CEP162: variants seen among roughly 807,000 people sequenced by gnomAD.
CEP162 encodes centrosomal protein of 162 kDa.
In CEP162, 141 loss-of-function variants were observed where a neutral mutation model predicts 169.2. That is an observed-to-expected ratio of 0.83 (90% CI 0.73 to 0.96). CEP162 has a LOEUF of 0.96. CEP162 is among the 40% of genes least tolerant of loss of function. The pLI is 0.00. For missense variants in CEP162, 1,600 were observed against 1,587.2 expected, an observed-to-expected ratio of 1.01 and a Z score of -0.14; for synonymous variants, 540 against 526.4, an observed-to-expected ratio of 1.03 and a Z score of -0.35.
chr6:84,157,927 T>C (rs2099523886), intron 21 of CEP162, among the ~76,000 whole-genome samples: 1 of 152,202 alleles, frequency 6.6e-6, no homozygotes, highest in African/African-American at 2.4e-5. Flanking sequence ...TTAAAATGAT[T>C]TCTTTTAATT....
At chr6:84,149,527 T>A in intron 24 of CEP162, 35 bp downstream of exon 24, 1 of 1,517,242 alleles carries the variant, frequency 6.6e-7, no homozygotes, top group Non-Finnish European at 8.8e-7. Flanking sequence ...AACGAGTTTA[T>A]TCAAGTCAAA....
At chr6:84,177,180 C>T (rs570036067) in intron 13 of CEP162, among the ~76,000 whole-genome samples, 10 of 152,248 alleles carry the variant, frequency 6.6e-5, no homozygotes, top group East Asian at 3.9e-4. Context: ...TTCTCACCTC[C>T]GCCCATCCTC....
intron 13 of CEP162, among the ~76,000 whole-genome samples, chr6:84,180,643 A>G (rs1012304558): frequency 1.3e-5 from 2 of 151,230 alleles, no homozygotes; most frequent in Admixed American, 1.3e-4. Context: ...CAACTTCAGC[A>G]AAGTCTCAGG....
In CEP162 at chr6:84,152,604, C is replaced by T; in HGVS notation, c.3570G>A (p.Lys1190=). ...KNELEGLISE[K]NELKMKSEAV... ...CTTCAGATTTCATCTTCAGTTCATT[C>T]TTCTCTGAAATTAATCCTTCTAGCT... Residue 1190 remains lysine (K), a synonymous_variant, in exon 23 of 27, where the codon AAG becomes AAA. Coordinates refer to ENST00000403245, the MANE Select transcript of CEP162 (RefSeq NM_014895.4). 1.3e-6 allele frequency: 2 copies of T among 1,557,960 alleles called. No homozygotes were observed. The highest frequency in any genetic ancestry group is 1.7e-6 in the Non-Finnish European group (2 of 1,149,912).
chr6:84,178,833 C>G (rs920639595), intron 13 of CEP162, among the ~76,000 whole-genome samples: 2 of 152,156 alleles, frequency 1.3e-5, no homozygotes, highest in Non-Finnish European at 2.9e-5. Flanking sequence ...ACGACAGGCC[C>G]TGGTATGTGC....
intron 3 of CEP162, among the ~76,000 whole-genome samples, chr6:84,220,784 CATG>C (rs1443056319): frequency 2.0e-5 from 3 of 152,052 alleles, no homozygotes; most frequent in African/African-American, 7.2e-5. Flanking sequence ...TATCATTAAA[CATG>C]ATAATAAATA....
At chr6:84,222,723 A>T (rs1384296489) in intron 2 of CEP162, among the ~76,000 whole-genome samples, 2 of 152,218 alleles carry the variant, frequency 1.3e-5, no homozygotes, top group African/African-American at 4.8e-5. Flanking sequence ...GAATATTGTT[A>T]TCTGAGTGAC....
chr6:84,190,756 G>A lies in CEP162; in HGVS notation c.1109+2853C>T, dbSNP rs370618557. On this transcript the variant is annotated intron_variant, in intron 11 of 26. Coordinates refer to ENST00000403245, the MANE Select transcript of CEP162 (RefSeq NM_014895.4). ...TTAAGAGCTGTAACACTCACCGCGA[G>A]CGTCCGCGGCTTCATTCTAGAAGTC... 7.3e-4 allele frequency among the ~76,000 whole-genome samples: 111 copies of A among 152,354 alleles called. 1 individual carries two copies. The South Asian group carries it at 0.023, about 31-fold the overall frequency.
chr6:84,130,968 T>C (rs1481867457), intron 25 of CEP162, among the ~76,000 whole-genome samples: 2 of 152,244 alleles, frequency 1.3e-5, no homozygotes, highest in Non-Finnish European at 2.9e-5. Flanking sequence ...TTTTAGATCT[T>C]TCCTGCTTTC....
rs937595514 is a variant in CEP162, at chr6:84,203,987, G to A, written c.681C>T (p.Pro227=). The A allele has an allele frequency of 5.0e-6, 8 of 1,598,056 alleles. No homozygotes were observed. The highest frequency in any genetic ancestry group is 6.8e-6 in the Non-Finnish European group (8 of 1,170,354). ...ENSKSEKISV[P]KQEEEKTGML... ...ATATAATTGATATATATACCTGTTT[G>A]GGCACACTTATTTTTTCTGATTTGG... The change falls in exon 7 of 27, where the codon CCC becomes CCT. Residue 227 remains proline, a synonymous_variant. Coordinates refer to ENST00000403245, the MANE Select transcript of CEP162 (RefSeq NM_014895.4).
intron 11 of CEP162, among the ~76,000 whole-genome samples, chr6:84,190,577 C>G (rs1046974738): frequency 1.3e-5 from 2 of 151,748 alleles, no homozygotes; most frequent in African/African-American, 2.4e-5. Context: ...CGGGAGGGAA[C>G]GAACAACTCC....
chr6:84,158,373 C>T (rs1419183153), intron 21 of CEP162, among the ~76,000 whole-genome samples: 1 of 152,160 alleles, frequency 6.6e-6, no homozygotes, highest in East Asian at 1.9e-4. Flanking sequence ...AAATGACTTT[C>T]ATCTTGTTAA....
chr6:84,140,901 T>C (rs1416890332), intron 25 of CEP162, among the ~76,000 whole-genome samples: 1 of 152,124 alleles, frequency 6.6e-6, no homozygotes, highest in African/African-American at 2.4e-5. Context: ...CAGGGACTGG[T>C]TTTGTGGAAG....
intron 22 of CEP162, among the ~76,000 whole-genome samples, chr6:84,154,583 C>T (rs910904017): frequency 6.6e-6 from 1 of 152,112 alleles, no homozygotes; most frequent in Admixed American, 6.6e-5. Context: ...CCTAGAACAT[C>T]TCAGCTCCTT....
rs756873648 is a variant in CEP162, at chr6:84,195,069, G to T, written c.842C>A (p.Ser281Tyr). 8.9e-6 allele frequency: 14 copies of T among 1,571,210 alleles called. No individual in the cohort carries two copies. In the East Asian group the frequency reaches 2.7e-4, roughly 30 times the overall value. Residue 281 changes from serine to tyrosine, a missense_variant, in exon 10 of 27, where the codon TCT becomes TAT. Ser to Tyr is a moderately radical substitution (Grantham distance 144, BLOSUM62 -2). Transcript: ENST00000403245. The stretch of plus-strand genomic sequence containing the variant: ...AACGTCACTACTGCTTTGTCCATAA[G>T]AAACACCTGTTGAAATAAACGTAAT... ...TENEMTGTGV[S>Y]YGQSSSDVEA... is the part of the protein sequence containing the mutation.
intron 25 of CEP162, among the ~76,000 whole-genome samples, chr6:84,128,127 G>GTGTT (rs2099509697): frequency 1.3e-5 from 2 of 152,284 alleles, no homozygotes; most frequent in South Asian, 4.1e-4. Flanking sequence ...AGAGAGGTAG[G>GTGTT]TGTTTAACAA....
intron 21 of CEP162, among the ~76,000 whole-genome samples, chr6:84,159,726 A>G (rs1321389694): frequency 1.3e-5 from 2 of 150,528 alleles, no homozygotes; most frequent in Non-Finnish European, 3.0e-5. Context: ...CACCAAGCCC[A>G]GCTAAAACCA....
chr6:84,200,189 G>A lies in CEP162; in HGVS notation c.835+600C>T, dbSNP rs182016057. On this transcript the variant is annotated intron_variant, in intron 9 of 26. Transcript: ENST00000403245. ...TGCATGAACCTGGGAGATGGAGCTG[G>A]CAGTGAGCCAAGGTAGCGCCACTGC... Among the ~76,000 whole-genome samples the A allele has an allele frequency of 6.0e-4, 91 of 152,314 alleles. 1 individual carries two copies. The highest frequency in any genetic ancestry group is 5.9e-3 in the Admixed American group (90 of 15,304).
intron 13 of CEP162, among the ~76,000 whole-genome samples, chr6:84,182,495 T>A (rs1262018087): frequency 6.6e-6 from 1 of 152,098 alleles, no homozygotes; most frequent in Non-Finnish European, 1.5e-5. Context: ...TTCCTTCCTA[T>A]TAATAAATAT....
Sources: allele counts gnomAD v4.1 joint callset (sites outside exome capture counted in the v4.1 genomes callset), GRCh38; gene constraint gnomAD v4.1.1; transcripts MANE v1.5; gene names NCBI Gene and HGNC (gene_info 2026-07-23, HGNC 2026-07-21).